HDAC4: variants seen among roughly 807,000 people sequenced by gnomAD.
HDAC4 encodes the protein histone deacetylase A.
In HDAC4, 16 loss-of-function variants were observed where a neutral mutation model predicts 135.1. The observed-to-expected ratio is 0.12, with a 90% CI of 0.08 to 0.18. The LOEUF is 0.18. HDAC4 is among the 10% of genes least tolerant of loss of function. HDAC4 has a pLI of 1.00. For synonymous variants in HDAC4, 685 were observed against 653.4 expected, an observed-to-expected ratio of 1.05 and a Z score of -0.74; for missense variants, 1,143 against 1,511.8, an observed-to-expected ratio of 0.76 and a Z score of 4.05.
Position 239,144,636 on chromosome 2 carries a change from C to T in HDAC4, c.812G>A (p.Arg271Lys). The part of the protein sequence containing the change: ...AERRSSPLLR[R>K]KDGPVVTALK... Reference sequence around the variant, plus strand: ...AGCAGTGACCACTGGCCCGTCTTTCCTGCGTAACAGGGGGCTGCTCCGTCT... The same window carrying T: ...AGCAGTGACCACTGGCCCGTCTTTCTTGCGTAACAGGGGGCTGCTCCGTCT... Residue 271 changes from arginine to lysine, a missense_variant, in exon 8 of 27, where the codon AGG becomes AAG. Arg to Lys is a conservative substitution (Grantham distance 26). Transcript: ENST00000543185. The T allele has an allele frequency of 6.2e-7, 1 of 1,614,238 alleles. No homozygotes were observed. The highest frequency in any genetic ancestry group is 2.2e-5 in the East Asian group (1 of 44,886).
intron 15 of HDAC4, among the ~76,000 whole-genome samples, chr2:239,107,635 G>A (rs924603258): frequency 2.2e-4 from 33 of 152,246 alleles, no homozygotes; most frequent in African/African-American, 8.0e-4. Context: ...AAAGCCAACA[G>A]GCCTGATCTG....
intron 2 of HDAC4, among the ~76,000 whole-genome samples, chr2:239,339,867 G>T (rs1375903554): frequency 6.6e-6 from 1 of 152,200 alleles, no homozygotes; most frequent in Non-Finnish European, 1.5e-5. Context: ...GCAGACCACA[G>T]AGAGTTCAAG....
At chr2:239,350,209 G>T (rs994502128) in intron 2 of HDAC4, among the ~76,000 whole-genome samples, 1 of 151,824 alleles carries the variant, frequency 6.6e-6, no homozygotes, top group Non-Finnish European at 1.5e-5. Flanking sequence ...TAAACAAAGA[G>T]AAATATATTA....
At chr2:239,341,092 C>G (rs1332070924) in intron 2 of HDAC4, among the ~76,000 whole-genome samples, 3 of 152,268 alleles carry the variant, frequency 2.0e-5, no homozygotes, top group African/African-American at 7.2e-5. Flanking sequence ...ACGAAAACCT[C>G]TGCTTTCCAT....
At chr2:239,187,501 C>G (rs1434738193) in intron 4 of HDAC4, among the ~76,000 whole-genome samples, 1 of 152,186 alleles carries the variant, frequency 6.6e-6, no homozygotes, top group Admixed American at 6.5e-5. Flanking sequence ...TGCAGTGACT[C>G]CCCCGGACCC....
Position 239,361,855 on chromosome 2 carries a change from T to C in HDAC4, c.-219-8937A>G, listed in dbSNP as rs1036619319. On this transcript the variant is annotated intron_variant, in intron 1 of 26. Coordinates refer to ENST00000543185, the MANE Select transcript of HDAC4 (RefSeq NM_001378414.1). ...AAGCATGATCTAGTTCTTTTTATCT[T>C]GATGTATGTGTCTAATGATACTTCA... Among the ~76,000 whole-genome samples, 5 of 152,202 alleles carry C rather than the reference T, an allele frequency of 3.3e-5. No homozygotes were observed. In the East Asian group the frequency reaches 9.6e-4, roughly 29 times the overall value.
chr2:239,256,474 G>A (rs974360274), intron 2 of HDAC4, among the ~76,000 whole-genome samples: 9 of 152,230 alleles, frequency 5.9e-5, no homozygotes, highest in Admixed American at 5.2e-4. Flanking sequence ...CTGACCCAGC[G>A]CCGAGGCGGG....
At chr2:239,368,878 C>T (rs1267257900) in intron 1 of HDAC4, among the ~76,000 whole-genome samples, 1 of 152,170 alleles carries the variant, frequency 6.6e-6, no homozygotes, top group Non-Finnish European at 1.5e-5. Flanking sequence ...CTATCGATGT[C>T]GGCATCGACA....
At chr2:239,257,487 G>A (rs180769947) in intron 2 of HDAC4, among the ~76,000 whole-genome samples, 9 of 152,242 alleles carry the variant, frequency 5.9e-5, no homozygotes, top group Non-Finnish European at 8.8e-5. Flanking sequence ...ACTTTTGACC[G>A]CCTCTTGCAG....
Position 239,313,040 on chromosome 2 carries a change from G to A in HDAC4, c.22+39638C>T, listed in dbSNP as rs1260187434. On this transcript the variant is annotated intron_variant, in intron 2 of 26. Transcript: ENST00000543185. This position sits in a 1 kb window ranked among gnomAD's most constrained non-coding sequence, Gnocchi z 5.1. ...GGCAGCCTGCAGAGCAAGGAGTCAA[G>A]GTGGCCAGCCTGGGGCAGGGTGTTC... Among the ~76,000 whole-genome samples, 1 of 152,192 alleles carries A rather than the reference G, an allele frequency of 6.6e-6. No homozygotes were observed. The highest frequency in any genetic ancestry group is 2.4e-5 in the African/African-American group (1 of 41,450).
intron 12 of HDAC4, among the ~76,000 whole-genome samples, chr2:239,121,420 T>G (rs1158094251): frequency 2.0e-5 from 3 of 152,224 alleles, no homozygotes; most frequent in Admixed American, 1.3e-4. Flanking sequence ...CACTGCAACC[T>G]GCCTGCCTGA....
chr2:239,384,173 G>A (rs1344123786), intron 1 of HDAC4, among the ~76,000 whole-genome samples: 1 of 152,180 alleles, frequency 6.6e-6, no homozygotes, highest in Non-Finnish European at 1.5e-5. Flanking sequence ...CTAATATTAG[G>A]GGATGCCCAG....
rs554325373 is a variant in HDAC4 at position 239,084,767 on chromosome 2, A to C, written c.2445-525T>G. ...CCCATACACCACAGACACACACCCC[A>C]CACACACTCCACACAGACACACACC... On this transcript the variant is annotated intron_variant, in intron 19 of 26. Coordinates refer to ENST00000543185, the MANE Select transcript of HDAC4 (RefSeq NM_001378414.1). Among the ~76,000 whole-genome samples, 8 of 140,444 alleles carry C rather than the reference A, an allele frequency of 5.7e-5. 1 individual carries two copies. The South Asian group carries it at 1.7e-3, about 29-fold the overall frequency. The allele number at this position is 140,444 out of a possible 152,430, so 92.1% of individuals were successfully genotyped here.
intron 1 of HDAC4, among the ~76,000 whole-genome samples, chr2:239,398,457 G>T (rs1030714337): frequency 6.6e-6 from 1 of 152,238 alleles, no homozygotes; most frequent in African/African-American, 2.4e-5. Context: ...GTAGTTAAAA[G>T]GAAAGAGTTA....
rs1297647034 is a variant in HDAC4 at position 239,115,048 on chromosome 2, G to A, written c.1791+5C>T. On this transcript the variant is annotated splice_donor_5th_base_variant and intron_variant, in intron 13 of 26. Transcript: ENST00000543185. This position sits in a 1 kb window ranked among gnomAD's most constrained non-coding sequence, Gnocchi z 6.3. ...CCTTCTGGTGCCCTCCCCGCCTGCGGTCACCTGTCTGAAGAGCAGCTCCTG... is the reference window on the plus strand; with the variant it reads ...CCTTCTGGTGCCCTCCCCGCCTGCGATCACCTGTCTGAAGAGCAGCTCCTG... The A allele has an allele frequency of 1.9e-6, 3 of 1,609,324 alleles. No homozygotes were observed. The East Asian group carries it at 6.7e-5, about 36-fold the overall frequency.
chr2:239,085,691 T>C (rs1170831753), intron 19 of HDAC4: 1 of 152,294 alleles, frequency 6.6e-6, no homozygotes, highest in East Asian at 1.9e-4. Context: ...CATCCCTCCC[T>C]GGCGGTTACA....
At chr2:239,231,139 G>C (rs2047527787) in intron 3 of HDAC4, among the ~76,000 whole-genome samples, 1 of 152,206 alleles carries the variant, frequency 6.6e-6, no homozygotes, top group Admixed American at 6.5e-5. Flanking sequence ...TGGTGCTTTT[G>C]AAACATAACC....
chr2:239,215,251 G>A (rs944083905), intron 3 of HDAC4, among the ~76,000 whole-genome samples: 1 of 152,208 alleles, frequency 6.6e-6, no homozygotes, highest in African/African-American at 2.4e-5. Flanking sequence ...GGCGGGGGAA[G>A]GTACCAGGAG....
At chr2:239,243,620 G>C (rs1293094085) in intron 2 of HDAC4, among the ~76,000 whole-genome samples, 1 of 152,192 alleles carries the variant, frequency 6.6e-6, no homozygotes, top group Non-Finnish European at 1.5e-5. Flanking sequence ...GGGCTACTGG[G>C]AAACAGTAAC....
Sources: gnomAD v4.1 joint callset for allele counts (sites outside exome capture counted in the v4.1 genomes callset) on GRCh38, gnomAD v4.1.1 for gene constraint, Gnocchi (gnomAD v3.1) non-coding constraint, MANE v1.5 for transcripts, NCBI Gene and HGNC (gene_info 2026-07-23, HGNC 2026-07-21) for gene names.